NPAS3: variants seen among roughly 807,000 people sequenced by gnomAD.
The protein encoded by NPAS3 is neuronal PAS domain protein 3.
Under a neutral mutation model 73.1 loss-of-function variants are expected in NPAS3, and 14 were observed. The ratio of observed to expected loss-of-function variants is 0.19; its 90% CI spans 0.13 to 0.30. NPAS3 has a LOEUF of 0.30. NPAS3 is among the 10% of genes least tolerant of loss of function. The pLI is 1.00. For synonymous variants in NPAS3, 620 were observed against 541.5 expected (o/e 1.14, Z -2.01); for missense variants, 1,096 against 1,250.0 (o/e 0.88, Z 1.86).
intron 2 of NPAS3, among the ~76,000 whole-genome samples, chr14:33,193,191 T>G (rs2046231163): frequency 1.8e-5 from 2 of 110,792 alleles, no homozygotes; most frequent in African/African-American, 3.6e-5. Flanking sequence ...CCATTTGAAG[T>G]GTCTTAGTTT....
intron 5 of NPAS3, among the ~76,000 whole-genome samples, chr14:33,624,080 G>C (rs2058156475): frequency 6.6e-6 from 1 of 152,128 alleles, no homozygotes; most frequent in South Asian, 2.1e-4. Context: ...CAAGCTCCCT[G>C]ACACCCCTAA....
At chr14:33,669,373 T>G (rs1282045742) in intron 5 of NPAS3, among the ~76,000 whole-genome samples, 1 of 152,212 alleles carries the variant, frequency 6.6e-6, no homozygotes, top group Non-Finnish European at 1.5e-5. Flanking sequence ...TAAAATTTCT[T>G]GGTTTAGTCA....
At chr14:33,642,101 T>A (rs540993684) in intron 5 of NPAS3, among the ~76,000 whole-genome samples, 1 of 152,264 alleles carries the variant, frequency 6.6e-6, no homozygotes, top group South Asian at 2.1e-4. Flanking sequence ...TTCTATTTGA[T>A]CACCATGGGA....
chr14:33,647,155 C>T (rs750485915), intron 5 of NPAS3, among the ~76,000 whole-genome samples: 1 of 152,124 alleles, frequency 6.6e-6, no homozygotes, highest in Admixed American at 6.5e-5. Context: ...CACTAACTTG[C>T]TTAATGAACT....
chr14:32,982,011 G>A (rs756473683), intron 1 of NPAS3, among the ~76,000 whole-genome samples: 4 of 152,092 alleles, frequency 2.6e-5, no homozygotes, highest in Non-Finnish European at 5.9e-5. Context: ...CCTCTCTCAA[G>A]ATATCTTACC....
At chr14:33,225,060 G>T (rs529975557) in intron 3 of NPAS3, among the ~76,000 whole-genome samples, 1 of 152,240 alleles carries the variant, frequency 6.6e-6, no homozygotes, top group South Asian at 2.1e-4. Flanking sequence ...CCACTTTCCT[G>T]CCTTTCTAAC....
chr14:33,229,550 A>G (rs1167045113), intron 3 of NPAS3, among the ~76,000 whole-genome samples: 3 of 152,194 alleles, frequency 2.0e-5, no homozygotes, highest in Non-Finnish European at 4.4e-5. Context: ...AGACGGTGCG[A>G]AAGAGCATGT....
intron 3 of NPAS3, among the ~76,000 whole-genome samples, chr14:33,223,495 C>A (rs2047509577): frequency 6.6e-6 from 1 of 152,150 alleles, no homozygotes; most frequent in East Asian, 1.9e-4. Context: ...TGACAGCTTT[C>A]AAGAAAATTA....
intron 5 of NPAS3, among the ~76,000 whole-genome samples, chr14:33,637,455 T>A (rs1219901542): frequency 6.6e-6 from 1 of 152,192 alleles, no homozygotes; most frequent in East Asian, 1.9e-4. Flanking sequence ...GAACAGGTGA[T>A]CAGAAGAAAC....
At chr14:33,499,113 C>T (rs921113943) in intron 4 of NPAS3, among the ~76,000 whole-genome samples, 3 of 151,430 alleles carry the variant, frequency 2.0e-5, no homozygotes, top group Admixed American at 1.3e-4. Context: ...GTAGGAAAAG[C>T]CCTGAAACAA....
At chr14:33,735,307 T>C (rs1202202613) in exon 7 of NPAS3, 1 of 1,613,332 alleles carries the variant, frequency 6.2e-7, no homozygotes, top group Non-Finnish European at 8.5e-7. Context: ...AAACGCGGTG[T>C]GCACATCAAA....
intron 2 of NPAS3, among the ~76,000 whole-genome samples, chr14:33,087,625 G>T (rs1464471427): frequency 6.6e-6 from 1 of 152,100 alleles, no homozygotes; most frequent in Non-Finnish European, 1.5e-5. Flanking sequence ...CAAAAAAGTA[G>T]TATTATATTG....
intron 2 of NPAS3, among the ~76,000 whole-genome samples, chr14:33,190,405 C>T (rs1043226443): frequency 6.6e-6 from 1 of 152,214 alleles, no homozygotes; most frequent in Non-Finnish European, 1.5e-5. Flanking sequence ...ATATTTGCTT[C>T]TGGGGATAGA....
intron 3 of NPAS3, among the ~76,000 whole-genome samples, chr14:33,324,487 A>G (rs2140248657): frequency 6.6e-6 from 1 of 152,314 alleles, no homozygotes; most frequent in East Asian, 1.9e-4. Flanking sequence ...AGGATTATAT[A>G]CCCTAAATAG....
At chr14:33,722,036 T>G (rs1003097986) in intron 6 of NPAS3, among the ~76,000 whole-genome samples, 2 of 152,196 alleles carry the variant, frequency 1.3e-5, no homozygotes, top group Non-Finnish European at 2.9e-5. Context: ...CACAAAACAA[T>G]TATGACAAAT....
chr14:33,011,339 G>A (rs1366767563), intron 1 of NPAS3, among the ~76,000 whole-genome samples: 1 of 152,164 alleles, frequency 6.6e-6, no homozygotes, highest in Non-Finnish European at 1.5e-5. Flanking sequence ...GTGCAATGTG[G>A]GGACCAGCCC....
intron 4 of NPAS3, among the ~76,000 whole-genome samples, chr14:33,372,274 A>G (rs2046122667): frequency 2.0e-5 from 3 of 152,236 alleles, no homozygotes; most frequent in Admixed American, 1.3e-4. Context: ...ATTTGAGAGT[A>G]AGGGGTAAGA....
intron 5 of NPAS3, among the ~76,000 whole-genome samples, chr14:33,594,834 A>G (rs1438693033): frequency 6.6e-6 from 1 of 152,202 alleles, no homozygotes; most frequent in East Asian, 1.9e-4. Context: ...GATGAAAGTC[A>G]TCCCAAATGG....
At chr14:33,611,659 T>C (rs2057753420) in intron 5 of NPAS3, among the ~76,000 whole-genome samples, 1 of 152,232 alleles carries the variant, frequency 6.6e-6, no homozygotes, top group Admixed American at 6.5e-5. Flanking sequence ...GTTATTTGCG[T>C]GAACTAGAAG....
Sources: gnomAD v4.1 joint callset for allele counts (sites outside exome capture counted in the v4.1 genomes callset) on GRCh38, gnomAD v4.1.1 for gene constraint, MANE v1.5 for transcripts, NCBI Gene and HGNC (gene_info 2026-07-23, HGNC 2026-07-21) for gene names.